MGMT: variants seen among roughly 807,000 people sequenced by gnomAD.
MGMT encodes the protein methylated-DNA--protein-cysteine methyltransferase.
MGMT carries 14 observed loss-of-function variants against 15.9 expected under a neutral mutation model. The observed-to-expected ratio is 0.88, with a 90% CI of 0.58 to 1.37. The LOEUF (loss-of-function observed/expected upper bound fraction) is 1.37, where lower values mean the gene tolerates loss of function less well. Among genes scored for constraint, MGMT ranks in the 40% most tolerant of loss-of-function variants. MGMT has a pLI of 0.00. For synonymous variants in MGMT, 130 were observed against 118.2 expected (o/e 1.10, Z -0.65); for missense variants, 282 against 268.1 (o/e 1.05, Z -0.36).
At chr10:129,746,983 T>C (rs1239628237) in intron 3 of MGMT, among the ~76,000 whole-genome samples, 1 of 152,214 alleles carries the variant, frequency 6.6e-6, no homozygotes. Context: ...TCCTCAGTTA[T>C]TCAGACATTC....
rs139771383 is a variant in MGMT at position 129,530,840 on chromosome 10, G to A, written c.-12-5401G>A. 1.5e-3 allele frequency among the ~76,000 whole-genome samples: 223 copies of A among 152,318 alleles called. 1 individual carries two copies. Among genetic ancestry groups the A allele is most frequent in the African/African-American group, 4.5e-3 (188 of 41,576 alleles). ...GGCGGGTGCCTTCACCCTGGCCTGC[G>A]TGGCTCCTCGCCCGGGGGCCCCTCC... On this transcript the variant is annotated intron_variant, in intron 1 of 4. Transcript: ENST00000651593.
In MGMT at chr10:129,666,609, G is replaced by A. The variant is rs558837154; in HGVS notation, c.126-41286G>A. Among the ~76,000 whole-genome samples the A allele has an allele frequency of 3.3e-5, 5 of 151,976 alleles. No homozygotes were observed. The East Asian group carries it at 7.7e-4, about 24-fold the overall frequency. On this transcript the variant is annotated intron_variant, in intron 2 of 4. Coordinates refer to ENST00000651593, the MANE Select transcript of MGMT (RefSeq NM_002412.5). ...GAAAAGCTGTTGACTTTTGTACTTG[G>A]CCATTCTGCTAAATTCTCTTATTAG...
intron 1 of MGMT, among the ~76,000 whole-genome samples, chr10:129,517,799 G>T (rs1845755782): frequency 1.3e-5 from 2 of 150,300 alleles, no homozygotes; most frequent in Admixed American, 6.6e-5. Flanking sequence ...GACCCCACGG[G>T]AAAGCATATT....
At chr10:129,717,913 G>A (rs1030022057) in intron 3 of MGMT, 8 of 152,228 alleles carry the variant, frequency 5.3e-5, no homozygotes, top group African/African-American at 1.7e-4. Context: ...ACCAGTGTTA[G>A]GGTTGACGGT....
At chr10:129,637,728 T>G (rs1265117873) in intron 2 of MGMT, among the ~76,000 whole-genome samples, 2 of 152,130 alleles carry the variant, frequency 1.3e-5, no homozygotes, top group Non-Finnish European at 2.9e-5. Context: ...AGTGTCCTTA[T>G]AAGAAGAGGA....
intron 3 of MGMT, among the ~76,000 whole-genome samples, chr10:129,709,042 G>A (rs962367052): frequency 2.0e-5 from 3 of 152,238 alleles, no homozygotes; most frequent in African/African-American, 2.4e-5. Flanking sequence ...TCATGAGCAC[G>A]TTTTGTGCAT....
intron 2 of MGMT, among the ~76,000 whole-genome samples, chr10:129,634,261 G>T (rs1236793551): frequency 1.3e-5 from 2 of 151,962 alleles, no homozygotes; most frequent in South Asian, 2.1e-4. Context: ...TTTTTCCTCT[G>T]GTAGGTTGTA....
intron 3 of MGMT, among the ~76,000 whole-genome samples, chr10:129,743,149 A>C (rs2133173572): frequency 6.6e-6 from 1 of 152,206 alleles, no homozygotes; most frequent in African/African-American, 2.4e-5. Context: ...TCTATCTGGA[A>C]TACCCGCTTT....
intron 3 of MGMT, among the ~76,000 whole-genome samples, chr10:129,753,585 T>C (rs1243488369): frequency 1.3e-5 from 2 of 152,198 alleles, no homozygotes; most frequent in African/African-American, 4.8e-5. Flanking sequence ...GCATCTCCAT[T>C]CTACTATTGA....
chr10:129,502,533 T>TA (rs1257763964), intron 1 of MGMT, among the ~76,000 whole-genome samples: 14 of 152,104 alleles, frequency 9.2e-5, no homozygotes, highest in Non-Finnish European at 1.5e-4. Flanking sequence ...TATTTTGCCT[T>TA]AAAAAATGAG....
chr10:129,743,987 G>C (rs1021040769), intron 3 of MGMT, among the ~76,000 whole-genome samples: 3 of 152,212 alleles, frequency 2.0e-5, no homozygotes, highest in Non-Finnish European at 1.5e-5. Flanking sequence ...GGATGACCTG[G>C]TGAGGACAGA....
intron 1 of MGMT, among the ~76,000 whole-genome samples, chr10:129,499,736 G>A (rs1328349024): frequency 6.6e-6 from 1 of 152,208 alleles, no homozygotes; most frequent in Non-Finnish European, 1.5e-5. Flanking sequence ...AACACAGACA[G>A]TCAGAAATCT....
At chr10:129,710,474 G>A (rs747953918) in intron 3 of MGMT, among the ~76,000 whole-genome samples, 1 of 152,186 alleles carries the variant, frequency 6.6e-6, no homozygotes, top group African/African-American at 2.4e-5. Flanking sequence ...TGGTTGCTGT[G>A]GGGGCTGGGA....
At chr10:129,491,900 T>C (rs1845472415) in intron 1 of MGMT, among the ~76,000 whole-genome samples, 2 of 152,198 alleles carry the variant, frequency 1.3e-5, no homozygotes, top group Admixed American at 6.5e-5. Context: ...ACACTTCTTA[T>C]CTGCTAGCAC....
chr10:129,665,057 C>T (rs1383564646), intron 2 of MGMT, among the ~76,000 whole-genome samples: 1 of 148,456 alleles, frequency 6.7e-6, no homozygotes, highest in Non-Finnish European at 1.5e-5. Context: ...CATACACTTA[C>T]CATATGGCAC....
chr10:129,725,152 G>C (rs1020709233), intron 3 of MGMT, among the ~76,000 whole-genome samples: 1 of 152,354 alleles, frequency 6.6e-6, no homozygotes, highest in African/African-American at 2.4e-5. Context: ...TGGGAGGTGA[G>C]TGTGGTGTCG....
chr10:129,547,968 G>A (rs964347360), intron 2 of MGMT, among the ~76,000 whole-genome samples: 5 of 152,220 alleles, frequency 3.3e-5, no homozygotes, highest in Admixed American at 2.0e-4. Flanking sequence ...CTCGTCAGCC[G>A]AAGGTTGGCA....
At chr10:129,498,374 G>A (rs958544040) in intron 1 of MGMT, among the ~76,000 whole-genome samples, 2 of 152,214 alleles carry the variant, frequency 1.3e-5, no homozygotes, top group African/African-American at 2.4e-5. Context: ...CTTAGTGACC[G>A]TGGGTGTGTC....
intron 2 of MGMT, among the ~76,000 whole-genome samples, chr10:129,707,127 G>A (rs141617167): frequency 0.011 from 1,667 of 151,672 alleles, 15 homozygotes; most frequent in Non-Finnish European, 0.016. Context: ...GATACAAAAA[G>A]TTAGCTGGCC....
Sources: allele counts gnomAD v4.1 joint callset (sites outside exome capture counted in the v4.1 genomes callset), GRCh38; gene constraint gnomAD v4.1.1; transcripts MANE v1.5; gene names NCBI Gene and HGNC (gene_info 2026-07-23, HGNC 2026-07-21).